KAZN: variants seen among roughly 807,000 people sequenced by gnomAD.
KAZN encodes the protein kazrin, periplakin interacting protein, also known as kazrin.
A neutral mutation model predicts 87.4 loss-of-function variants in KAZN; 40 were observed. The ratio of observed to expected loss-of-function variants is 0.46; its 90% CI spans 0.36 to 0.60. The LOEUF is 0.60. Ranked by LOEUF, KAZN falls within the 20% of genes least tolerant of loss-of-function variation. The probability of loss-of-function intolerance (pLI) is 0.00; values close to 1 mark genes in which losing one functional copy is unlikely to be tolerated. For synonymous variants in KAZN, 466 were observed against 458.3 expected (o/e 1.02, Z -0.22); for missense variants, 898 against 1,073.9 (o/e 0.84, Z 2.29).
chr1:14,771,780 C>A (rs907768555), intron 1 of KAZN, among the ~76,000 whole-genome samples: 1 of 152,010 alleles, frequency 6.6e-6, no homozygotes, highest in Non-Finnish European at 1.5e-5. Context: ...GAGCCAAGAC[C>A]GTGCCATTGC....
chr1:14,475,734 C>G lies in KAZN; in HGVS notation c.250-123249C>G, dbSNP rs74823363. On this transcript the variant is annotated intron_variant, in intron 2 of 16. Transcript: ENST00000636203. ...TTGTGAGTATGTGTGAATAATTAAACTTTTTAGAATTTGAACATAAGTTGG... is the reference window on the plus strand; with the variant it reads ...TTGTGAGTATGTGTGAATAATTAAAGTTTTTAGAATTTGAACATAAGTTGG... Among the ~76,000 whole-genome samples, 788 of 152,168 alleles carry G rather than the reference C, an allele frequency of 5.2e-3. 9 individuals carry two copies. Among genetic ancestry groups the G allele is most frequent in the African/African-American group, 0.018 (749 of 41,498 alleles).
At chr1:14,546,916 C>G (rs1673183017) in intron 2 of KAZN, among the ~76,000 whole-genome samples, 1 of 152,104 alleles carries the variant, frequency 6.6e-6, no homozygotes, top group Non-Finnish European at 1.5e-5. Flanking sequence ...ATCTGGAGTT[C>G]ACCTTAAAAA....
chr1:14,940,133 G>A (rs1660886907), intron 1 of KAZN, among the ~76,000 whole-genome samples: 1 of 152,194 alleles, frequency 6.6e-6, no homozygotes, highest in African/African-American at 2.4e-5. Context: ...AGTGGGCGGG[G>A]TACTTGGTAT....
chr1:14,124,286 C>G (rs1417803969), intron 1 of KAZN: 3 of 152,198 alleles, frequency 2.0e-5, no homozygotes, highest in African/African-American at 7.2e-5. Context: ...GGGGGCTGTG[C>G]TAGTCTTCTC....
intron 1 of KAZN, among the ~76,000 whole-genome samples, chr1:13,958,569 A>T (rs1403090959): frequency 1.1e-5 from 1 of 89,456 alleles, no homozygotes; most frequent in Non-Finnish European, 2.2e-5. Context: ...GCCAGACTCC[A>T]TCTCAAAAAA....
chr1:14,842,507 G>C (rs1648141906), intron 1 of KAZN, among the ~76,000 whole-genome samples: 1 of 152,230 alleles, frequency 6.6e-6, no homozygotes, highest in Admixed American at 6.5e-5. Context: ...TTAGCTATCA[G>C]CCCTGTGAAG....
intron 2 of KAZN, among the ~76,000 whole-genome samples, chr1:14,400,580 A>C (rs1663316017): frequency 6.6e-6 from 1 of 152,236 alleles, no homozygotes; most frequent in Non-Finnish European, 1.5e-5. Context: ...TGAATGGGTT[A>C]CTGTCTCCAG....
intron 3 of KAZN, among the ~76,000 whole-genome samples, 161 bp downstream of exon 3, chr1:15,035,046 A>G (rs1672122375): frequency 6.6e-6 from 1 of 151,576 alleles, no homozygotes; most frequent in Non-Finnish European, 1.5e-5. Flanking sequence ...TAAAACCGGC[A>G]CAACCCCCGG....
intron 1 of KAZN, among the ~76,000 whole-genome samples, chr1:13,942,249 A>G (rs997750195): frequency 8.5e-5 from 13 of 152,172 alleles, no homozygotes; most frequent in African/African-American, 3.1e-4. Flanking sequence ...GGAGAAAAAT[A>G]TAATTCACCG....
chr1:14,018,570 C>T (rs1027790824), intron 1 of KAZN, among the ~76,000 whole-genome samples: 9 of 152,146 alleles, frequency 5.9e-5, no homozygotes, highest in Middle Eastern at 3.4e-3. Flanking sequence ...TGTGTCTGTG[C>T]GGGTGTTTTC....
At chr1:14,430,001 C>CA (rs1246654199) in intron 2 of KAZN, among the ~76,000 whole-genome samples, 2 of 152,144 alleles carry the variant, frequency 1.3e-5, no homozygotes, top group African/African-American at 4.8e-5. Context: ...ACTCCAGCCA[C>CA]ACTGGCTTGG....
chr1:14,282,067 AT>A (rs1032473170), intron 2 of KAZN, among the ~76,000 whole-genome samples: 1 of 152,160 alleles, frequency 6.6e-6, no homozygotes, highest in African/African-American at 2.4e-5. Context: ...TCCAAGGGAG[AT>A]TTTGTCTGGA....
intron 3 of KAZN, among the ~76,000 whole-genome samples, chr1:15,035,462 A>G (rs1311816176): frequency 1.3e-5 from 2 of 152,174 alleles, no homozygotes; most frequent in Non-Finnish European, 2.9e-5. Context: ...ATAGGAGTTT[A>G]TGGGCCAGAC....
chr1:14,855,111 C>T lies in KAZN; in HGVS notation c.227-105573C>T, dbSNP rs762841690. On this transcript the variant is annotated intron_variant, in intron 1 of 14. Transcript: ENST00000376030. The stretch of plus-strand genomic sequence containing the variant: ...TGTTTTTAATTTAGCTGTGAGACGA[C>T]GGGAGTCTAGGAAGCATGGCTGGGG... 5.9e-5 allele frequency among the ~76,000 whole-genome samples: 9 copies of T among 152,098 alleles called. No individual in the cohort carries two copies. The South Asian group carries it at 6.2e-4, about 11-fold the overall frequency.
intron 3 of KAZN, among the ~76,000 whole-genome samples, chr1:15,041,339 T>TTTTTTTTTG: frequency 2.7e-5 from 4 of 145,670 alleles, no homozygotes; most frequent in Non-Finnish European, 4.5e-5. Flanking sequence ...TTCTTTTTTT[T>TTTTTTTTTG]TTTTTTTGTT....
chr1:15,103,948 C>T (rs1641201066), intron 12 of KAZN, 75 bp from the exon 13 acceptor site: 2 of 1,451,978 alleles, frequency 1.4e-6, no homozygotes, highest in Non-Finnish European at 1.9e-6. Context: ...GACAGAGCCC[C>T]ACGTGGAACT....
chr1:14,904,821 G>A (rs934636353), intron 1 of KAZN, among the ~76,000 whole-genome samples: 6 of 152,136 alleles, frequency 3.9e-5, no homozygotes, highest in Non-Finnish European at 7.3e-5. Flanking sequence ...GGATGCAGTG[G>A]TGCGATCTCC....
intron 2 of KAZN, among the ~76,000 whole-genome samples, chr1:14,278,224 C>G (rs960859104): frequency 6.8e-6 from 1 of 146,910 alleles, no homozygotes; most frequent in Non-Finnish European, 1.5e-5. Context: ...AGATTCATGT[C>G]TAAATGATAA....
chr1:15,051,201 T>C (rs1197071815), intron 4 of KAZN, among the ~76,000 whole-genome samples: 2 of 152,216 alleles, frequency 1.3e-5, no homozygotes, highest in East Asian at 1.9e-4. Context: ...TGGTAGAGGA[T>C]TCGGTTTCTG....
Sources: allele counts gnomAD v4.1 joint callset (sites outside exome capture counted in the v4.1 genomes callset), GRCh38; gene constraint gnomAD v4.1.1; transcripts MANE v1.5; gene names NCBI Gene and HGNC (gene_info 2026-07-23, HGNC 2026-07-21).